The following KCNQ5 variants were observed in gnomAD, a reference collection of about 807,000 sequenced individuals.
The protein encoded by KCNQ5 is potassium voltage-gated channel subfamily KQT member 5.
In KCNQ5, 30 loss-of-function variants were observed where a neutral mutation model predicts 98.2. That is an observed-to-expected ratio of 0.31 (90% CI 0.23 to 0.41). The LOEUF (loss-of-function observed/expected upper bound fraction) is 0.41, where lower values mean the gene tolerates loss of function less well. Among genes scored for constraint, KCNQ5 ranks in the 10% least tolerant of loss-of-function variants. The pLI is 1.00. For synonymous variants in KCNQ5, 458 were observed against 449.4 expected (o/e 1.02, Z -0.24); for missense variants, 835 against 1,182.5 (o/e 0.71, Z 4.31).
intron 2 of KCNQ5, among the ~76,000 whole-genome samples, chr6:73,028,027 G>A (rs1355234653): frequency 6.6e-6 from 1 of 152,122 alleles, no homozygotes; most frequent in African/African-American, 2.4e-5. Flanking sequence ...TTATTATGGG[G>A]GAAAAAAATT....
chr6:72,888,179 C>G (rs1778921568), intron 1 of KCNQ5, among the ~76,000 whole-genome samples: 2 of 151,992 alleles, frequency 1.3e-5, no homozygotes, highest in African/African-American at 4.8e-5. Context: ...CTAGCAGATC[C>G]CGTCTGCTAA....
At chr6:72,690,334 T>G (rs917073088) in intron 1 of KCNQ5, among the ~76,000 whole-genome samples, 6 of 152,202 alleles carry the variant, frequency 3.9e-5, no homozygotes, top group Non-Finnish European at 8.8e-5. Context: ...TTAATATAAT[T>G]TCATCATCAT....
At position 73,034,789 on chromosome 6, in the gene KCNQ5, A is replaced by G. The variant is rs943485030; in HGVS notation, c.490-7147A>G. On this transcript the variant is annotated intron_variant, in intron 2 of 13. Coordinates refer to ENST00000370398, the MANE Select transcript of KCNQ5 (RefSeq NM_019842.4). ...AGGGTTAATATGGATTGGTATTCTC[A>G]ATACATATTGTAGATAAAATTCAAG... Among the ~76,000 whole-genome samples the G allele has an allele frequency of 3.9e-5, 6 of 152,078 alleles. 1 individual carries two copies. The highest frequency in any genetic ancestry group is 3.9e-4 in the Admixed American group (6 of 15,278).
chr6:72,838,881 C>T (rs1351580553), intron 1 of KCNQ5, among the ~76,000 whole-genome samples: 6 of 130,224 alleles, frequency 4.6e-5, no homozygotes, highest in African/African-American at 1.2e-4. Flanking sequence ...ACCCGGGAGG[C>T]GGAGCTTGCA....
At chr6:73,074,247 A>G (rs1324981274) in intron 3 of KCNQ5, among the ~76,000 whole-genome samples, 1 of 152,226 alleles carries the variant, frequency 6.6e-6, no homozygotes, top group Non-Finnish European at 1.5e-5. Context: ...AAGTAAAAAT[A>G]AAGACTACTC....
At chr6:72,764,051 T>C (rs1252723174) in intron 1 of KCNQ5, among the ~76,000 whole-genome samples, 1 of 151,986 alleles carries the variant, frequency 6.6e-6, no homozygotes, top group African/African-American at 2.4e-5. Context: ...ATCATTATTT[T>C]GATAATAGCT....
At chr6:73,071,066 G>A (rs1378643378) in intron 3 of KCNQ5, among the ~76,000 whole-genome samples, 2 of 152,068 alleles carry the variant, frequency 1.3e-5, no homozygotes, top group Non-Finnish European at 2.9e-5. Context: ...TAAAACAGGA[G>A]GGGGATGGTT....
intron 1 of KCNQ5, among the ~76,000 whole-genome samples, chr6:72,952,659 G>A (rs1242383021): frequency 3.0e-4 from 45 of 152,192 alleles, no homozygotes; most frequent in African/African-American, 1.1e-3. Flanking sequence ...AAGCTGAAGA[G>A]TTTAGACCTT....
At chr6:72,902,846 C>T (rs1318621162) in intron 1 of KCNQ5, among the ~76,000 whole-genome samples, 2 of 152,078 alleles carry the variant, frequency 1.3e-5, no homozygotes, top group Non-Finnish European at 2.9e-5. Flanking sequence ...TAGGGTGATA[C>T]TGGCTTCATA....
intron 1 of KCNQ5, among the ~76,000 whole-genome samples, chr6:72,628,243 C>A (rs956492585): frequency 2.0e-5 from 3 of 152,110 alleles, no homozygotes; most frequent in African/African-American, 7.2e-5. Context: ...TTTTCTTAGA[C>A]GTAAGATACT....
At chr6:73,131,183 A>G (rs1202017370) in intron 9 of KCNQ5, among the ~76,000 whole-genome samples, 3 of 152,178 alleles carry the variant, frequency 2.0e-5, no homozygotes, top group Non-Finnish European at 4.4e-5. Context: ...TACTTTTATT[A>G]TAAACAAACT....
At chr6:72,877,310 T>A (rs929984542) in intron 1 of KCNQ5, among the ~76,000 whole-genome samples, 2 of 152,052 alleles carry the variant, frequency 1.3e-5, no homozygotes, top group African/African-American at 4.8e-5. Flanking sequence ...GGAGAACATG[T>A]AGTATTTGGT....
At chr6:72,859,245 TTAAC>T (rs1777659341) in intron 1 of KCNQ5, among the ~76,000 whole-genome samples, 2 of 152,154 alleles carry the variant, frequency 1.3e-5, no homozygotes, top group South Asian at 4.1e-4. Flanking sequence ...ACTTTTCCTT[TTAAC>T]TACATATGCC....
chr6:72,714,652 A>T (rs1561938211), intron 1 of KCNQ5, among the ~76,000 whole-genome samples: 2 of 152,218 alleles, frequency 1.3e-5, no homozygotes, highest in African/African-American at 4.8e-5. Context: ...TTTGATAGCT[A>T]AAGTGCTTTC....
intron 3 of KCNQ5, among the ~76,000 whole-genome samples, chr6:73,066,308 C>A (rs895147554): frequency 6.6e-6 from 1 of 152,132 alleles, no homozygotes; most frequent in African/African-American, 2.4e-5. Flanking sequence ...TGTGACTCCA[C>A]CCTCATCCTG....
chr6:72,865,275 A>G (rs1220697110), intron 1 of KCNQ5, among the ~76,000 whole-genome samples: 1 of 152,004 alleles, frequency 6.6e-6, no homozygotes, highest in Non-Finnish European at 1.5e-5. Context: ...CTGCGTATAG[A>G]CTCTATTTCA....
rs377176762 is a variant in KCNQ5, at chr6:73,038,775, T to C, written c.490-3161T>C. 2.2e-3 allele frequency among the ~76,000 whole-genome samples: 334 copies of C among 152,206 alleles called. 2 individuals are homozygous for C. The highest frequency in any genetic ancestry group is 2.4e-3 in the Non-Finnish European group (164 of 67,938). On this transcript the variant is annotated intron_variant, in intron 2 of 13. Transcript: ENST00000370398. ...TGCTGAGGATTTTTTGTGTCTAAGT[T>C]TATGATAAATATGGGTATGTAGTTT... is the stretch of plus-strand genomic sequence containing the variant.
Position 73,126,887 on chromosome 6 carries a change from C to T in KCNQ5, c.1247+2375C>T, listed in dbSNP as rs144303207. ...TCTTGGATAGAGTAATAAAATGGCC[C>T]TGACCTCAAGTAGTTTGTGGGAAGA... On this transcript the variant is annotated intron_variant, in intron 9 of 13. Transcript: ENST00000370398. 4.5e-3 allele frequency among the ~76,000 whole-genome samples: 678 copies of T among 151,974 alleles called. 4 individuals are homozygous for T. Among genetic ancestry groups the T allele is most frequent in the Non-Finnish European group, 7.3e-3 (498 of 67,936 alleles).
At chr6:73,047,966 T>C (rs924855720) in intron 3 of KCNQ5, among the ~76,000 whole-genome samples, 1 of 152,202 alleles carries the variant, frequency 6.6e-6, no homozygotes, top group African/African-American at 2.4e-5. Context: ...GTTTTCAAAT[T>C]ATGTTTGAGT....
Sources: gnomAD v4.1 joint callset for allele counts (sites outside exome capture counted in the v4.1 genomes callset) on GRCh38, gnomAD v4.1.1 for gene constraint, MANE v1.5 for transcripts, NCBI Gene and HGNC (gene_info 2026-07-23, HGNC 2026-07-21) for gene names.